CACNA1C: variants seen among roughly 807,000 people sequenced by gnomAD.
CACNA1C encodes voltage-dependent L-type calcium channel subunit alpha-1C.
CACNA1C carries 30 observed loss-of-function variants against 229.0 expected under a neutral mutation model. That is an observed-to-expected ratio of 0.13 (90% CI 0.10 to 0.18). The LOEUF is 0.18. Ranked by LOEUF, CACNA1C falls within the 10% of genes least tolerant of loss-of-function variation. The probability of loss-of-function intolerance (pLI) is 1.00; values close to 1 mark genes in which losing one functional copy is unlikely to be tolerated. For missense variants in CACNA1C, 1,658 were observed against 2,845.0 expected (o/e 0.58, Z 9.49); for synonymous variants, 1,114 against 1,132.5 (o/e 0.98, Z 0.33).
intron 3 of CACNA1C, among the ~76,000 whole-genome samples, chr12:2,191,493 G>GAA (rs1383432163): frequency 6.6e-6 from 1 of 152,084 alleles, no homozygotes; most frequent in East Asian, 1.9e-4. Context: ...ACATGGGCCT[G>GAA]ATGCTTTTTC....
At chr12:2,436,684 G>C (rs2099138023) in intron 3 of CACNA1C, among the ~76,000 whole-genome samples, 1 of 152,234 alleles carries the variant, frequency 6.6e-6, no homozygotes, top group African/African-American at 2.4e-5. Context: ...CCAAATGGCT[G>C]ATAAGGGGTG....
intron 28 of CACNA1C, among the ~76,000 whole-genome samples, chr12:2,611,203 G>A (rs1350936215): frequency 1.5e-5 from 2 of 137,196 alleles, no homozygotes; most frequent in African/African-American, 5.5e-5. Flanking sequence ...GGGATGAGCT[G>A]GATGCATTCC....
chr12:2,259,698 G>T (rs1034246775), intron 3 of CACNA1C, among the ~76,000 whole-genome samples: 2 of 152,194 alleles, frequency 1.3e-5, no homozygotes, highest in African/African-American at 4.8e-5. Context: ...TATACGTTTT[G>T]TTTTGTTTTT....
At position 2,422,934 on chromosome 12, in the gene CACNA1C, C is replaced by T. The variant is rs575509161; in HGVS notation, c.478-26042C>T. On this transcript the variant is annotated intron_variant, in intron 3 of 46. Transcript: ENST00000399655. ...GCCAGCTCTGCTCCTAGCTTCCTGT[C>T]ATCTGAGTGGGATCGTTTCCCTTCT... 9.2e-5 allele frequency among the ~76,000 whole-genome samples: 14 copies of T among 152,340 alleles called. 1 individual carries two copies. In the South Asian group the frequency reaches 2.7e-3, roughly 29 times the overall value.
At chr12:2,247,192 A>G (rs2073702938) in intron 3 of CACNA1C, among the ~76,000 whole-genome samples, 1 of 152,118 alleles carries the variant, frequency 6.6e-6, no homozygotes, top group Non-Finnish European at 1.5e-5. Flanking sequence ...TTCTTTGGGC[A>G]GCGGGGATGG....
chr12:2,404,610 T>C (rs2098715227), intron 3 of CACNA1C, among the ~76,000 whole-genome samples: 2 of 152,102 alleles, frequency 1.3e-5, no homozygotes, highest in Admixed American at 6.6e-5. Flanking sequence ...TCTCCTCAAG[T>C]GCCCAGGCAG....
At chr12:2,004,103 C>T in intron 1 of CACNA1C, 2 of 849,896 alleles carry the variant, frequency 2.4e-6, no homozygotes, top group Non-Finnish European at 3.6e-6. Context: ...ACAGATCCGC[C>T]TTCCTTCCCC....
intron 3 of CACNA1C, among the ~76,000 whole-genome samples, chr12:2,153,183 C>T (rs2095377553): frequency 6.6e-6 from 1 of 152,158 alleles, no homozygotes; most frequent in Admixed American, 6.5e-5. Context: ...TCTGTTGTTC[C>T]TGCAAAGCCT....
chr12:2,334,996 C>G (rs1393751440), intron 3 of CACNA1C, among the ~76,000 whole-genome samples: 2 of 152,200 alleles, frequency 1.3e-5, no homozygotes, highest in African/African-American at 4.8e-5. Flanking sequence ...CCAATGGCCC[C>G]AGGCTGAGGC....
At chr12:1,990,351 C>T (rs2039040294) in intron 1 of CACNA1C, among the ~76,000 whole-genome samples, 1 of 152,026 alleles carries the variant, frequency 6.6e-6, no homozygotes, top group Non-Finnish European at 1.5e-5. Context: ...CAGGTCAAAC[C>T]CCATTTTAAC....
At chr12:2,338,622 G>A (rs1355524402) in intron 3 of CACNA1C, among the ~76,000 whole-genome samples, 3 of 152,166 alleles carry the variant, frequency 2.0e-5, no homozygotes, top group Non-Finnish European at 4.4e-5. Context: ...ACTGGGTGAT[G>A]TCTGAGAGAT....
intron 9 of CACNA1C, among the ~76,000 whole-genome samples, chr12:2,545,240 T>C (rs1453429092): frequency 7.3e-6 from 1 of 136,778 alleles, no homozygotes; most frequent in Non-Finnish European, 1.5e-5. Context: ...GCTCAGCTCA[T>C]GAGGCACCCA....
chr12:2,509,575 C>T (rs115622265), intron 8 of CACNA1C, among the ~76,000 whole-genome samples: 2,359 of 152,212 alleles, frequency 0.015, 65 homozygotes, highest in African/African-American at 0.054. Context: ...CCACTAGCAC[C>T]GTAACTCGCA....
intron 3 of CACNA1C, among the ~76,000 whole-genome samples, chr12:2,367,971 A>G (rs188491281): frequency 1.3e-5 from 2 of 152,328 alleles, no homozygotes; most frequent in Admixed American, 1.3e-4. Context: ...ATGAAAAAAG[A>G]AAAATGAAAT....
chr12:2,693,200 A>T lies in CACNA1C; in HGVS notation c.*2001A>T, dbSNP rs938862816. The T allele has an allele frequency of 2.0e-5, 3 of 151,880 alleles. No individual in the cohort carries two copies. The highest frequency in any genetic ancestry group is 6.6e-5 in the Admixed American group (1 of 15,252). 9.4% of individuals were successfully genotyped at this position (151,880 alleles called of 1,614,324 possible). A position where few individuals can be genotyped will look rare whatever the true frequency, so the allele number is the denominator to read the frequency against. On this transcript the variant is annotated 3_prime_UTR_variant, in exon 47 of 47. Transcript: ENST00000399655. ...TTTTATTCCAGTCTTCACTCTGTCC[A>T]CTCTGCTCTGGTCATCTGATTTGGT...
chr12:2,641,483 G>C, intron 30 of CACNA1C: 1 of 560,710 alleles, frequency 1.8e-6, no homozygotes, highest in South Asian at 2.1e-5. Context: ...GGGTGGGGCA[G>C]AGGTTATCCT....
At chr12:2,358,488 TG>T (rs2097454842) in intron 3 of CACNA1C, among the ~76,000 whole-genome samples, 1 of 152,176 alleles carries the variant, frequency 6.6e-6, no homozygotes, top group African/African-American at 2.4e-5. Context: ...ACCTAGTAAG[TG>T]GCAGTAACAG....
chr12:2,696,497 G>C lies in CACNA1C; in HGVS notation c.*5298G>C, dbSNP rs1013658964. 6.6e-6 allele frequency: 1 copy of C among 151,932 alleles called. No individual in the cohort carries two copies. The highest frequency in any genetic ancestry group is 1.5e-5 in the Non-Finnish European group (1 of 68,000). The allele number at this position is 151,932 out of a possible 1,614,324, so 9.4% of individuals were successfully genotyped here. On this transcript the variant is annotated 3_prime_UTR_variant, in exon 47 of 47. Coordinates refer to ENST00000399655, the MANE Select transcript of CACNA1C (RefSeq NM_000719.7). ...AGGATCTAAGGAATTTGACTTTGTA[G>C]GGATCCCAGAAAGGGCACTGTGCCA...
chr12:2,372,368 C>T (rs951096367), intron 3 of CACNA1C, among the ~76,000 whole-genome samples: 1 of 152,152 alleles, frequency 6.6e-6, no homozygotes, highest in Admixed American at 6.5e-5. Flanking sequence ...GCAGACTGTG[C>T]GCCTAACACA....
Sources: allele counts gnomAD v4.1 joint callset (sites outside exome capture counted in the v4.1 genomes callset), GRCh38; gene constraint gnomAD v4.1.1; transcripts MANE v1.5; gene names NCBI Gene and HGNC (gene_info 2026-07-23, HGNC 2026-07-21).